The following SMIM8 variants were observed in gnomAD, a reference collection of about 807,000 sequenced individuals.
The protein encoded by SMIM8 is UPF0708 protein C6orf162.
In SMIM8, 8 loss-of-function variants were observed where a neutral mutation model predicts 8.1. The ratio of observed to expected loss-of-function variants is 0.99; its 90% CI spans 0.58 to 1.78. The LOEUF (loss-of-function observed/expected upper bound fraction) is 1.78, where lower values mean the gene tolerates loss of function less well. Ranked by LOEUF, SMIM8 falls within the 40% of genes most tolerant of loss-of-function variation. SMIM8 has a pLI of 0.00. For missense variants in SMIM8, 126 were observed against 119.8 expected, an observed-to-expected ratio of 1.05 and a Z score of -0.24; for synonymous variants, 45 against 39.7, an observed-to-expected ratio of 1.13 and a Z score of -0.50.
At chr6:87,336,717 C>T (rs115616195) in intron 2 of SMIM8, among the ~76,000 whole-genome samples, 3,316 of 152,068 alleles carry the variant, frequency 0.022, 121 homozygotes, top group African/African-American at 0.075. Context: ...GCATATGATA[C>T]GACGTGACTC....
chr6:87,322,966 CAT>C lies in SMIM8; in HGVS notation c.-45+336_-45+337del, dbSNP rs1198755441. On this transcript the variant is annotated intron_variant, in intron 1 of 3. Coordinates refer to ENST00000392863, the MANE Select transcript of SMIM8 (RefSeq NM_001042493.3). ...TCTTAGTGTCTTGGCTCACCAGACT[CAT>C]AGGGGAACATGGTGGTGTTTTGAGG... The C allele has an allele frequency of 3.3e-5, 5 of 152,338 alleles. No homozygotes were observed. In the East Asian group the frequency reaches 9.7e-4, roughly 29 times the overall value. 9.4% of individuals were successfully genotyped at this position (152,338 alleles called of 1,614,324 possible).
At chr6:87,331,344 G>A (rs991433081) in intron 2 of SMIM8, among the ~76,000 whole-genome samples, 2 of 152,186 alleles carry the variant, frequency 1.3e-5, no homozygotes, top group South Asian at 4.1e-4. Flanking sequence ...TTTTAAAATT[G>A]AAACTTGTAT....
intron 1 of SMIM8, among the ~76,000 whole-genome samples, chr6:87,326,826 G>A (rs371902520): frequency 1.2e-4 from 14 of 119,870 alleles, no homozygotes; most frequent in African/African-American, 4.9e-4. Flanking sequence ...TATCCTTGTT[G>A]ACTTTCTGTC....
chr6:87,323,006 T>TCTTTTGTCATAGTGCGGACACTATG (rs1776709205), intron 1 of SMIM8: 1 of 151,520 alleles, frequency 6.6e-6, no homozygotes, highest in Non-Finnish European at 1.5e-5. Context: ...ACGCCGCTTT[T>TCTTTTGTCATAGTGCGGACACTATG]CTTTTGTCAT....
At chr6:87,331,884 CT>C (rs1447649337) in intron 2 of SMIM8, among the ~76,000 whole-genome samples, 2 of 152,222 alleles carry the variant, frequency 1.3e-5, no homozygotes, top group Non-Finnish European at 2.9e-5. Flanking sequence ...TACTCTCATA[CT>C]TTCCAGAAAG....
chr6:87,335,368 T>TA (rs1436124278), intron 2 of SMIM8, among the ~76,000 whole-genome samples: 1 of 152,142 alleles, frequency 6.6e-6, no homozygotes, highest in Non-Finnish European at 1.5e-5. Context: ...ACAGGAGTGC[T>TA]AACTGATGTA....
chr6:87,327,830 G>C (rs947122679), intron 1 of SMIM8, among the ~76,000 whole-genome samples: 1 of 148,922 alleles, frequency 6.7e-6, no homozygotes, highest in Non-Finnish European at 1.5e-5. Flanking sequence ...AGTTCTCCTG[G>C]ATAATATCCT....
intron 2 of SMIM8, among the ~76,000 whole-genome samples, chr6:87,336,440 G>T (rs1183440621): frequency 1.3e-5 from 2 of 152,172 alleles, no homozygotes; most frequent in African/African-American, 4.8e-5. Flanking sequence ...TTGCTGATTG[G>T]CAATGGAAGA....
intron 3 of SMIM8, among the ~76,000 whole-genome samples, chr6:87,339,866 T>G (rs915640514): frequency 3.9e-5 from 6 of 152,170 alleles, no homozygotes; most frequent in Non-Finnish European, 8.8e-5. Context: ...AGTAGAGGTC[T>G]GAGATGTCCA....
chr6:87,331,493 A>T (rs1040465230), intron 2 of SMIM8, among the ~76,000 whole-genome samples: 9 of 152,172 alleles, frequency 5.9e-5, no homozygotes, highest in African/African-American at 2.2e-4. Context: ...TACCTGTTTT[A>T]TTTATTCCTG....
chr6:87,337,022 A>G lies in SMIM8; in HGVS notation c.-10A>G, dbSNP rs1422946449. On this transcript the variant is annotated 5_prime_UTR_variant, in exon 3 of 4. Transcript: ENST00000392863. Reference sequence around the variant, plus strand: ...TTTTGTTTTTAGATAATAAATCATCATTGATCAAGATGTCTTCAGCACCTG... The same window carrying G: ...TTTTGTTTTTAGATAATAAATCATCGTTGATCAAGATGTCTTCAGCACCTG... 4 of 1,583,170 alleles carry G rather than the reference A, an allele frequency of 2.5e-6. No homozygotes were observed. In the South Asian group the frequency reaches 4.8e-5, roughly 19 times the overall value.
intron 1 of SMIM8, among the ~76,000 whole-genome samples, chr6:87,328,884 C>T (rs1354978813): frequency 2.6e-5 from 4 of 152,230 alleles, no homozygotes; most frequent in Admixed American, 6.5e-5. Flanking sequence ...TCTCAGACTG[C>T]TGTGCTAGCA....
intron 1 of SMIM8, among the ~76,000 whole-genome samples, chr6:87,327,450 C>G (rs1217540148): frequency 3.3e-5 from 5 of 152,216 alleles, no homozygotes; most frequent in Admixed American, 6.5e-5. Flanking sequence ...GGCAGGCCTG[C>G]TGGTCACAAA....
chr6:87,340,051 C>A, intron 3 of SMIM8, 65 bp from the exon 4 acceptor site: 1 of 1,347,464 alleles, frequency 7.4e-7, no homozygotes, highest in South Asian at 1.8e-5. Flanking sequence ...AAAGTGCAAC[C>A]GATATTTGGG....
chr6:87,323,408 A>G (rs1000227413), intron 1 of SMIM8, among the ~76,000 whole-genome samples: 1 of 145,880 alleles, frequency 6.9e-6, no homozygotes, highest in South Asian at 2.4e-4. Context: ...ATATCTCCCA[A>G]TGCTATCCCT....
chr6:87,332,547 T>C (rs948361859), intron 2 of SMIM8, among the ~76,000 whole-genome samples: 1 of 149,478 alleles, frequency 6.7e-6, no homozygotes, highest in Non-Finnish European at 1.5e-5. Context: ...ATATAATTAA[T>C]ATATAATTAT....
At chr6:87,330,476 G>A (rs1329128294) in intron 1 of SMIM8, among the ~76,000 whole-genome samples, 1 of 151,806 alleles carries the variant, frequency 6.6e-6, no homozygotes, top group Non-Finnish European at 1.5e-5. Context: ...AACTCCCTGA[G>A]CAAGAATTTT....
intron 1 of SMIM8, among the ~76,000 whole-genome samples, chr6:87,328,750 C>T (rs1776909102): frequency 6.6e-6 from 1 of 152,224 alleles, no homozygotes; most frequent in South Asian, 2.1e-4. Flanking sequence ...CAGAGGCAGG[C>T]AGGCCTCCTT....
At chr6:87,332,529 T>A (rs1387438473) in intron 2 of SMIM8, among the ~76,000 whole-genome samples, 2 of 148,974 alleles carry the variant, frequency 1.3e-5, no homozygotes, top group African/African-American at 4.9e-5. Flanking sequence ...ATTATGTTAA[T>A]AAATTACATA....
Sources: gnomAD v4.1 joint callset for allele counts (sites outside exome capture counted in the v4.1 genomes callset) on GRCh38, gnomAD v4.1.1 for gene constraint, MANE v1.5 for transcripts, NCBI Gene and HGNC (gene_info 2026-07-23, HGNC 2026-07-21) for gene names.